THRAP3: variants seen among roughly 807,000 people sequenced by gnomAD.
The protein encoded by THRAP3 is thyroid hormone receptor-associated protein 3.
In THRAP3, 16 loss-of-function variants were observed where a neutral mutation model predicts 101.0. The ratio of observed to expected loss-of-function variants is 0.16; its 90% CI spans 0.11 to 0.24. The LOEUF (loss-of-function observed/expected upper bound fraction) is 0.24, where lower values mean the gene tolerates loss of function less well. Among genes scored for constraint, THRAP3 ranks in the 10% least tolerant of loss-of-function variants. The probability of loss-of-function intolerance (pLI) is 1.00; values close to 1 mark genes in which losing one functional copy is unlikely to be tolerated. For synonymous variants in THRAP3, 407 were observed against 422.6 expected (o/e 0.96, Z 0.45); for missense variants, 989 against 1,202.7 (o/e 0.82, Z 2.63).
At chr1:36,227,244 C>G (rs891464024) in intron 1 of THRAP3, among the ~76,000 whole-genome samples, 6 of 151,876 alleles carry the variant, frequency 4.0e-5, no homozygotes, top group African/African-American at 1.5e-4. Context: ...CCGTCTCTCT[C>G]TTTAATATGT....
At chr1:36,243,853 G>A (rs1398427102) in intron 1 of THRAP3, among the ~76,000 whole-genome samples, 2 of 146,312 alleles carry the variant, frequency 1.4e-5, no homozygotes, top group African/African-American at 5.0e-5. Flanking sequence ...CTCCCGGACG[G>A]GGCGGCTGGC....
chr1:36,221,411 A>G (rs1411506834), upstream of THRAP3, among the ~76,000 whole-genome samples: 7 of 148,882 alleles, frequency 4.7e-5, no homozygotes, highest in Non-Finnish European at 7.5e-5. Flanking sequence ...ATGAAAAGGG[A>G]AAAAAAAAAG....
Position 36,300,882 on chromosome 1 carries a change from A to C in THRAP3, c.2304-4A>C, listed in dbSNP as rs375546097. ...TGATCACCCTGGCTCTTCTCTTTTC[A>C]CAGGAAGCATCGGAGAGCAAGAGAC... On this transcript the variant is annotated splice_region_variant and splice_polypyrimidine_tract_variant and intron_variant, in intron 9 of 11. Transcript: ENST00000354618. The C allele has an allele frequency of 6.2e-7, 1 of 1,612,616 alleles. No homozygotes were observed. The highest frequency in any genetic ancestry group is 1.3e-5 in the African/African-American group (1 of 74,982).
In THRAP3 at chr1:36,291,424, A is replaced by G. The variant is rs751580028; in HGVS notation, c.1796A>G (p.His599Arg). The G allele has an allele frequency of 1.2e-6, 2 of 1,614,258 alleles. No individual in the cohort carries two copies. The highest frequency in any genetic ancestry group is 1.3e-5 in the African/African-American group (1 of 75,080). ...CGCAAGCTTTGCCGAGATCTAGTCC[A>G]TAGCAACAAAAAGGAACAGGAGTTT... ...QERKLCRDLV[H>R]SNKKEQEFRS... is the part of the protein sequence containing the mutation. The change falls in exon 6 of 12, where the codon CAT (histidine) becomes CGT (arginine). Residue 599 changes from histidine to arginine, a missense_variant. Coordinates refer to ENST00000354618, the MANE Select transcript of THRAP3 (RefSeq NM_005119.4).
intron 1 of THRAP3, among the ~76,000 whole-genome samples, chr1:36,238,136 T>C (rs1645113429): frequency 6.6e-6 from 1 of 152,116 alleles, no homozygotes; most frequent in South Asian, 2.1e-4. Context: ...CCCGGCGATT[T>C]AGCAAATTTT....
intron 1 of THRAP3, among the ~76,000 whole-genome samples, chr1:36,248,245 C>T (rs890719828): frequency 6.6e-6 from 1 of 152,036 alleles, no homozygotes; most frequent in African/African-American, 2.4e-5. Context: ...TGTTCATCTC[C>T]TCAGTTGTTA....
At chr1:36,234,025 G>A (rs755718815) in intron 1 of THRAP3, among the ~76,000 whole-genome samples, 1 of 151,882 alleles carries the variant, frequency 6.6e-6, no homozygotes, top group East Asian at 1.9e-4. Context: ...GCGTGATCAC[G>A]GCTAACCTCA....
intron 11 of THRAP3, 34 bp from the exon 12 acceptor site, chr1:36,303,762 C>G (rs373208892): frequency 1.2e-6 from 2 of 1,613,452 alleles, no homozygotes; most frequent in African/African-American, 1.3e-5. Flanking sequence ...ATCTTGTTCA[C>G]TCTGGCACTG....
rs146667690 is a variant in THRAP3 at position 36,265,662 on chromosome 1, T to C, written c.-32+6178T>C. 5.9e-5 allele frequency among the ~76,000 whole-genome samples: 9 copies of C among 152,172 alleles called. No individual in the cohort carries two copies. In the East Asian group the frequency reaches 1.7e-3, roughly 29 times the overall value. On this transcript the variant is annotated intron_variant, in intron 2 of 11. Transcript: ENST00000354618. ...TCTGCTTTAATGAGAAAGCAAAAAT[T>C]ATTTATTTTTTAAATTTTAAGTTCT...
intron 4 of THRAP3, chr1:36,287,859 C>G (rs1645815739): frequency 1.0e-6 from 1 of 985,408 alleles, no homozygotes; most frequent in Non-Finnish European, 1.2e-6. Context: ...GTCTTTCTCC[C>G]CTGGGGGACA....
chr1:36,241,300 C>A (rs1379108216), intron 1 of THRAP3, among the ~76,000 whole-genome samples: 1 of 149,416 alleles, frequency 6.7e-6, no homozygotes, highest in African/African-American at 2.5e-5. Flanking sequence ...TAGAGTACTT[C>A]AGGTTTATGT....
chr1:36,225,662 G>A (rs949879246), intron 1 of THRAP3, among the ~76,000 whole-genome samples: 1 of 152,024 alleles, frequency 6.6e-6, no homozygotes, highest in African/African-American at 2.4e-5. Flanking sequence ...GTTTGTGGAA[G>A]TACTGTTGTA....
chr1:36,210,850 C>G, the THRAP3 span, among the ~76,000 whole-genome samples: 9 of 145,830 alleles, frequency 6.2e-5, no homozygotes, highest in African/African-American at 2.3e-4. Context: ...AATAGTGATG[C>G]CTGTGATCCA....
upstream of THRAP3, among the ~76,000 whole-genome samples, chr1:36,223,494 G>A (rs184210151): frequency 2.0e-4 from 30 of 152,324 alleles, no homozygotes; most frequent in Non-Finnish European, 4.1e-4. Context: ...TGGGAACACA[G>A]GCATAGGGAG....
chr1:36,262,297 G>T (rs16822639), intron 2 of THRAP3, among the ~76,000 whole-genome samples: 1,577 of 152,260 alleles, frequency 0.01, 20 homozygotes, highest in African/African-American at 0.034. Context: ...ATATGTATTG[G>T]ATGGTACAGT....
chr1:36,244,640 G>A (rs1288713289), intron 1 of THRAP3, among the ~76,000 whole-genome samples: 1 of 150,774 alleles, frequency 6.6e-6, no homozygotes, highest in African/African-American at 2.5e-5. Context: ...TTTCACTCCT[G>A]TGAGTTCTAT....
In THRAP3 at chr1:36,289,067, G is replaced by C; in HGVS notation, c.1048G>C (p.Glu350Gln). Residue 350 changes from glutamate to glutamine, a missense_variant, in exon 5 of 12, where the codon GAA becomes CAA. Coordinates refer to ENST00000354618, the MANE Select transcript of THRAP3 (RefSeq NM_005119.4). ...GGAAYTKRYL[E>Q]EQKTENGKDK... ...TTGTGTTTTTATAAATAGGTATCTA[G>C]AAGAGCAGAAGACAGAGAATGGAAA... 3 of 1,579,566 alleles carry C rather than the reference G, an allele frequency of 1.9e-6. No individual in the cohort carries two copies. The highest frequency in any genetic ancestry group is 2.6e-6 in the Non-Finnish European group (3 of 1,166,692).
intron 1 of THRAP3, among the ~76,000 whole-genome samples, chr1:36,242,732 T>G (rs1213830963): frequency 1.3e-5 from 2 of 152,144 alleles, no homozygotes; most frequent in Non-Finnish European, 2.9e-5. Flanking sequence ...ATTACAGGCG[T>G]GAGCCACCAC....
At chr1:36,243,682 C>T (rs1188571209) in intron 1 of THRAP3, among the ~76,000 whole-genome samples, 1 of 152,226 alleles carries the variant, frequency 6.6e-6, no homozygotes, top group Non-Finnish European at 1.5e-5. Flanking sequence ...CCGCCATTGT[C>T]ATCATGGCCC....
Sources: allele counts gnomAD v4.1 joint callset (sites outside exome capture counted in the v4.1 genomes callset), GRCh38; gene constraint gnomAD v4.1.1; transcripts MANE v1.5; gene names NCBI Gene and HGNC (gene_info 2026-07-23, HGNC 2026-07-21).